Variants in ARL15 observed in about 807,000 individuals in gnomAD.
ARL15 encodes ADP-ribosylation factor-like protein 15.
Under a neutral mutation model 25.2 loss-of-function variants are expected in ARL15, and 19 were observed. The observed-to-expected ratio is 0.75, with a 90% confidence interval of 0.53 to 1.10. The LOEUF is 1.10. Ranked by LOEUF, ARL15 falls within the 50% of genes least tolerant of loss-of-function variation. The pLI is 0.00. For synonymous variants in ARL15, 94 were observed against 86.8 expected (o/e 1.08, Z -0.46); for missense variants, 220 against 246.0 (o/e 0.89, Z 0.71).
chr5:54,211,467 CTTTTTTT>C (rs57554255), intron 1 of ARL15, among the ~76,000 whole-genome samples: 1 of 119,628 alleles, frequency 8.4e-6, no homozygotes, highest in Admixed American at 9.2e-5. Flanking sequence ...AAATGAAACA[CTTTTTTT>C]TTTTTTTTTT....
intron 1 of ARL15, among the ~76,000 whole-genome samples, chr5:54,185,613 A>C (rs1365656093): frequency 6.6e-6 from 1 of 152,204 alleles, no homozygotes; most frequent in African/African-American, 2.4e-5. Flanking sequence ...GCCTGAAATC[A>C]AACCCTATGG....
chr5:53,949,943 A>C (rs1010300785), intron 4 of ARL15, among the ~76,000 whole-genome samples: 1 of 152,226 alleles, frequency 6.6e-6, no homozygotes, highest in African/African-American at 2.4e-5. Context: ...GCCTTTGCTC[A>C]AGGTCATTGT....
chr5:53,918,380 G>T (rs975599137), intron 4 of ARL15, among the ~76,000 whole-genome samples: 2 of 151,884 alleles, frequency 1.3e-5, no homozygotes. Context: ...TAGAGATGGG[G>T]GGGGATCTCA....
chr5:54,002,549 A>G (rs190058195), intron 4 of ARL15, among the ~76,000 whole-genome samples: 71 of 152,342 alleles, frequency 4.7e-4, no homozygotes, highest in Admixed American at 2.5e-3. Context: ...CAGAGTAATC[A>G]AGACAGAGAG....
At chr5:54,122,049 A>T (rs2112246165) in intron 3 of ARL15, among the ~76,000 whole-genome samples, 1 of 152,342 alleles carries the variant, frequency 6.6e-6, no homozygotes, top group East Asian at 1.9e-4. Context: ...TGCTGAACAA[A>T]AGAGGCAAAG....
chr5:54,139,745 T>G (rs898153581), intron 3 of ARL15, among the ~76,000 whole-genome samples: 9 of 152,012 alleles, frequency 5.9e-5, no homozygotes, highest in African/African-American at 2.2e-4. Flanking sequence ...GGTGGGAGGA[T>G]CACTTGAGCC....
intron 4 of ARL15, among the ~76,000 whole-genome samples, chr5:54,099,596 T>G (rs564216490): frequency 1.4e-4 from 22 of 152,294 alleles, no homozygotes; most frequent in East Asian, 1.2e-3. Flanking sequence ...TAAATATTTT[T>G]TGTTTGACTT....
chr5:54,244,667 C>G (rs1302586415), intron 1 of ARL15, among the ~76,000 whole-genome samples: 1 of 152,106 alleles, frequency 6.6e-6, no homozygotes, highest in African/African-American at 2.4e-5. Flanking sequence ...AAAGGCCATT[C>G]TACCAGGCTC....
At chr5:53,929,239 GAAATTAGGGT>G (rs1227210285) in intron 4 of ARL15, among the ~76,000 whole-genome samples, 1 of 151,674 alleles carries the variant, frequency 6.6e-6, no homozygotes, top group African/African-American at 2.4e-5. Flanking sequence ...ACAGAGGGAG[GAAATTAGGGT>G]AAATATTATT....
chr5:54,101,773 A>C (rs1197704691), intron 4 of ARL15, among the ~76,000 whole-genome samples: 4 of 152,150 alleles, frequency 2.6e-5, no homozygotes, highest in African/African-American at 9.6e-5. Flanking sequence ...AAATGGACTT[A>C]ATTTGCTTAT....
At chr5:53,894,598 T>C (rs542542812) in intron 4 of ARL15, among the ~76,000 whole-genome samples, 2 of 152,222 alleles carry the variant, frequency 1.3e-5, no homozygotes, top group Non-Finnish European at 2.9e-5. Flanking sequence ...GGCACAGTTA[T>C]GTATGGGTGC....
intron 1 of ARL15, among the ~76,000 whole-genome samples, chr5:54,294,346 T>C (rs1286474174): frequency 1.3e-5 from 2 of 152,220 alleles, no homozygotes; most frequent in Admixed American, 6.5e-5. Context: ...GTTCAGTAGT[T>C]GAAAGAAAGA....
In ARL15 at chr5:54,168,278, C is replaced by T. The variant is rs1166560058; in HGVS notation, c.193+3506G>A. Among the ~76,000 whole-genome samples the T allele has an allele frequency of 3.3e-5, 5 of 152,210 alleles. No individual in the cohort carries two copies. In the East Asian group the frequency reaches 9.7e-4, roughly 29 times the overall value. On this transcript the variant is annotated intron_variant, in intron 2 of 4. Coordinates refer to ENST00000504924, the MANE Select transcript of ARL15 (RefSeq NM_019087.3). ...TATGACTGAGTTGTCTCTCAAATCT[C>T]TCTAGTCTGCTTGGCTTTTAGCATT...
chr5:54,117,376 C>CACAA (rs933993804), intron 3 of ARL15, among the ~76,000 whole-genome samples: 3 of 146,912 alleles, frequency 2.0e-5, no homozygotes, highest in African/African-American at 7.6e-5. Context: ...CACATACACA[C>CACAA]ACACACACAC....
At chr5:54,098,977 T>A (rs1752361987) in intron 4 of ARL15, among the ~76,000 whole-genome samples, 1 of 152,174 alleles carries the variant, frequency 6.6e-6, no homozygotes, top group Non-Finnish European at 1.5e-5. Flanking sequence ...TAATATGCTT[T>A]AAAATAATCC....
chr5:54,230,018 C>T (rs1388583340), intron 1 of ARL15, among the ~76,000 whole-genome samples: 1 of 152,156 alleles, frequency 6.6e-6, no homozygotes, highest in Non-Finnish European at 1.5e-5. Flanking sequence ...TTCCTACAGG[C>T]ATTCAAACTC....
Position 54,160,732 on chromosome 5 carries a change from T to G in ARL15, c.194-6093A>C, listed in dbSNP as rs541330013. 3.3e-5 allele frequency among the ~76,000 whole-genome samples: 5 copies of G among 152,272 alleles called. No homozygotes were observed. In the East Asian group the frequency reaches 9.6e-4, roughly 29 times the overall value. ...TAAAAATTATGTCAGAGGTGAAAAA[T>G]TGCTGAAGTTAATAAACCAATAAAG... is the stretch of plus-strand genomic sequence containing the variant. On this transcript the variant is annotated intron_variant, in intron 2 of 4. Transcript: ENST00000504924.
intron 4 of ARL15, among the ~76,000 whole-genome samples, chr5:53,916,656 A>C (rs1580077022): frequency 6.6e-6 from 1 of 152,298 alleles, no homozygotes; most frequent in Non-Finnish European, 1.5e-5. Flanking sequence ...ATACACAGCT[A>C]ATCTAGAATA....
intron 3 of ARL15, among the ~76,000 whole-genome samples, chr5:54,153,374 A>G (rs1754127376): frequency 6.6e-6 from 1 of 152,182 alleles, no homozygotes; most frequent in Non-Finnish European, 1.5e-5. Flanking sequence ...TTTCTGAGCA[A>G]CCATTGTATT....
Sources: gnomAD v4.1 joint callset for allele counts (sites outside exome capture counted in the v4.1 genomes callset) on GRCh38, gnomAD v4.1.1 for gene constraint, MANE v1.5 for transcripts, NCBI Gene and HGNC (gene_info 2026-07-23, HGNC 2026-07-21) for gene names.